CNTN5: variants seen among roughly 807,000 people sequenced by gnomAD.
The protein encoded by CNTN5 is contactin-5.
Under a neutral mutation model 129.1 loss-of-function variants are expected in CNTN5, and 77 were observed. The ratio of observed to expected loss-of-function variants is 0.60; its 90% CI spans 0.50 to 0.72. CNTN5 has a LOEUF of 0.72. Among genes scored for constraint, CNTN5 ranks in the 30% least tolerant of loss-of-function variants. The pLI is 0.00. For synonymous variants in CNTN5, 509 were observed against 465.6 expected, an observed-to-expected ratio of 1.09 and a Z score of -1.20; for missense variants, 1,478 against 1,328.8, an observed-to-expected ratio of 1.11 and a Z score of -1.75.
At chr11:99,785,199 G>A (rs923833556) in intron 3 of CNTN5, among the ~76,000 whole-genome samples, 2 of 152,088 alleles carry the variant, frequency 1.3e-5, no homozygotes, top group Non-Finnish European at 2.9e-5. Context: ...CCACATAAAT[G>A]TCTTCTTTTG....
intron 1 of CNTN5, among the ~76,000 whole-genome samples, chr11:99,041,629 G>T (rs771728099): frequency 6.6e-6 from 1 of 152,058 alleles, no homozygotes; most frequent in Non-Finnish European, 1.5e-5. Context: ...TAGTTTTTGA[G>T]ATCTATGAAT....
intron 13 of CNTN5, among the ~76,000 whole-genome samples, chr11:100,128,336 C>T (rs1288516035): frequency 2.0e-5 from 3 of 152,094 alleles, no homozygotes; most frequent in African/African-American, 7.2e-5. Flanking sequence ...TCTTTTACCA[C>T]ATCTAATCAA....
intron 1 of CNTN5, among the ~76,000 whole-genome samples, chr11:99,090,314 C>T (rs571009462): frequency 6.6e-6 from 1 of 151,984 alleles, no homozygotes; most frequent in South Asian, 2.1e-4. Flanking sequence ...TTATTATGGG[C>T]CTGTTGTGGC....
At chr11:99,705,384 A>C (rs954481195) in intron 3 of CNTN5, among the ~76,000 whole-genome samples, 3 of 151,200 alleles carry the variant, frequency 2.0e-5, no homozygotes, top group African/African-American at 7.3e-5. Context: ...AGACTCCTGA[A>C]TTTTTCATTC....
At chr11:99,612,210 A>G (rs986935554) in intron 3 of CNTN5, among the ~76,000 whole-genome samples, 1 of 152,182 alleles carries the variant, frequency 6.6e-6, no homozygotes, top group East Asian at 1.9e-4. Flanking sequence ...TCAGAAAGCT[A>G]CTATATTGCA....
intron 16 of CNTN5, among the ~76,000 whole-genome samples, chr11:100,247,063 T>C (rs1400948779): frequency 6.6e-6 from 1 of 152,160 alleles, no homozygotes; most frequent in Non-Finnish European, 1.5e-5. Context: ...GAGAGGGACA[T>C]GGTACTATGA....
intron 6 of CNTN5, among the ~76,000 whole-genome samples, chr11:99,901,178 A>G (rs1167794266): frequency 6.6e-6 from 1 of 152,194 alleles, no homozygotes; most frequent in African/African-American, 2.4e-5. Context: ...AATGGTAGCT[A>G]TCATCATCAC....
At position 99,042,031 on chromosome 11, in the gene CNTN5, CT is replaced by C. The variant is rs527434321; in HGVS notation, c.-210+20762del. Among the ~76,000 whole-genome samples, 59 of 152,192 alleles carry C rather than the reference CT, an allele frequency of 3.9e-4. 1 individual carries two copies. In the South Asian group the frequency reaches 0.012, roughly 32 times the overall value. On this transcript the variant is annotated intron_variant, in intron 1 of 24. Transcript: ENST00000524871. ...ATATTTCATGTCGAGAATATCATTTCTCTAGAAATGTTGCCATCAAATTTGT... is the reference window on the plus strand; with the variant it reads ...ATATTTCATGTCGAGAATATCATTTCCTAGAAATGTTGCCATCAAATTTGT...
chr11:100,181,263 G>A (rs141815722), intron 13 of CNTN5, among the ~76,000 whole-genome samples: 213 of 151,574 alleles, frequency 1.4e-3, no homozygotes, highest in Middle Eastern at 3.4e-3. Context: ...CAATTTGGAT[G>A]AGCCTCCAGG....
intron 3 of CNTN5, among the ~76,000 whole-genome samples, chr11:99,709,779 T>C (rs774418768): frequency 3.3e-5 from 5 of 151,866 alleles, no homozygotes; most frequent in Non-Finnish European, 7.4e-5. Flanking sequence ...CATTGGTGTT[T>C]TATTAAGGCA....
chr11:99,575,115 T>A (rs2726379), intron 3 of CNTN5, among the ~76,000 whole-genome samples: 1 of 152,088 alleles, frequency 6.6e-6, no homozygotes, highest in African/African-American at 2.4e-5. Flanking sequence ...AATAATCTCA[T>A]ATCTTTTATT....
intron 3 of CNTN5, among the ~76,000 whole-genome samples, chr11:99,650,261 G>A (rs967006988): frequency 5.3e-5 from 8 of 151,784 alleles, no homozygotes; most frequent in African/African-American, 1.7e-4. Flanking sequence ...ACTCATGTTC[G>A]GAGTCAGTGT....
chr11:99,647,194 AGCTTCAGTCTATTTAGT>A (rs1283748678), intron 3 of CNTN5, among the ~76,000 whole-genome samples: 1 of 151,948 alleles, frequency 6.6e-6, no homozygotes, highest in Non-Finnish European at 1.5e-5. Flanking sequence ...ATCCATTTTG[AGCTTCAGTCTATTTAGT>A]GCTTCAATAC....
At chr11:100,067,049 A>G (rs923532818) in intron 10 of CNTN5, among the ~76,000 whole-genome samples, 1 of 151,956 alleles carries the variant, frequency 6.6e-6, no homozygotes, top group Non-Finnish European at 1.5e-5. Context: ...GCCTCGGACC[A>G]TATAGTATAG....
At chr11:99,397,897 G>A (rs1291358777) in intron 2 of CNTN5, among the ~76,000 whole-genome samples, 1 of 151,788 alleles carries the variant, frequency 6.6e-6, no homozygotes, top group Non-Finnish European at 1.5e-5. Context: ...TGGTCTCTTA[G>A]TTGAGAGATC....
chr11:99,149,498 A>G (rs1326881822), intron 1 of CNTN5, among the ~76,000 whole-genome samples: 3 of 152,124 alleles, frequency 2.0e-5, no homozygotes, highest in Non-Finnish European at 4.4e-5. Flanking sequence ...TAGATGTATA[A>G]AATCATAATT....
chr11:99,145,583 T>G (rs905696224), intron 1 of CNTN5, among the ~76,000 whole-genome samples: 2 of 152,022 alleles, frequency 1.3e-5, no homozygotes, highest in African/African-American at 4.8e-5. Flanking sequence ...CAGTAACAAT[T>G]CTTCTTACTG....
chr11:100,263,643 G>A (rs887337205), intron 17 of CNTN5, among the ~76,000 whole-genome samples: 1 of 152,050 alleles, frequency 6.6e-6, no homozygotes, highest in African/African-American at 2.4e-5. Context: ...TTCTAGGTAT[G>A]GTAGTTAATT....
intron 3 of CNTN5, among the ~76,000 whole-genome samples, chr11:99,718,578 AAGAC>A (rs746009835): frequency 2.2e-4 from 34 of 152,160 alleles, no homozygotes; most frequent in Non-Finnish European, 4.4e-4. Context: ...GAAAAACTGA[AAGAC>A]AGTTTAAAGG....
Sources: gnomAD v4.1 joint callset for allele counts (sites outside exome capture counted in the v4.1 genomes callset) on GRCh38, gnomAD v4.1.1 for gene constraint, MANE v1.5 for transcripts, NCBI Gene and HGNC (gene_info 2026-07-23, HGNC 2026-07-21) for gene names.